FBXO4: variants seen among roughly 807,000 people sequenced by gnomAD.
FBXO4 encodes the protein F-box only protein 4.
Under a neutral mutation model 43.7 loss-of-function variants are expected in FBXO4, and 36 were observed. That is an observed-to-expected ratio of 0.82 (90% CI 0.63 to 1.09). The LOEUF (loss-of-function observed/expected upper bound fraction) is 1.09. Ranked by LOEUF, FBXO4 falls within the 50% of genes least tolerant of loss-of-function variation. The pLI is 0.00. For synonymous variants in FBXO4, 180 were observed against 165.6 expected (o/e 1.09, Z -0.67); for missense variants, 435 against 474.1 (o/e 0.92, Z 0.77).
chr5:41,928,155 C>T (rs1051784615), intron 2 of FBXO4, among the ~76,000 whole-genome samples: 1 of 152,008 alleles, frequency 6.6e-6, no homozygotes, highest in Non-Finnish European at 1.5e-5. Flanking sequence ...TATAGATAAT[C>T]TCAGCAAGTG....
chr5:41,971,711 G>C, the FBXO4 span, among the ~76,000 whole-genome samples: 1 of 151,786 alleles, frequency 6.6e-6, no homozygotes, highest in Non-Finnish European at 1.5e-5. Flanking sequence ...TATAGTTTTG[G>C]TTCTATCATT....
chr5:41,927,030 T>C lies in FBXO4; in HGVS notation c.207T>C (p.Tyr69=), dbSNP rs1751527071. The change falls in exon 2 of 7, where the codon TAT becomes TAC. Residue 69 remains tyrosine, a synonymous_variant. Transcript: ENST00000281623. The part of the protein sequence containing the change: ...LTRLPIDVQL[Y]ILSFLSPHDL... ...TGTTTCAGATTGATGTACAGCTATA[T>C]ATTTTGTCCTTTCTTTCACCTCATG... 6.2e-7 allele frequency: 1 copy of C among 1,608,616 alleles called. No individual in the cohort carries two copies. Among genetic ancestry groups the C allele is most frequent in the African/African-American group, 1.3e-5 (1 of 74,634 alleles).
chr5:41,962,189 C>T, the FBXO4 span, among the ~76,000 whole-genome samples: 1 of 152,190 alleles, frequency 6.6e-6, no homozygotes, highest in Admixed American at 6.5e-5. Context: ...TTTCTTTAGA[C>T]TTATTTTACC....
chr5:42,033,823 T>C, the FBXO4 span, among the ~76,000 whole-genome samples: 1 of 150,584 alleles, frequency 6.6e-6, no homozygotes, highest in East Asian at 2.0e-4. Context: ...TTGTAAATAC[T>C]GCTGCATGTG....
At chr5:41,961,585 C>G in the FBXO4 span, among the ~76,000 whole-genome samples, 1 of 152,142 alleles carries the variant, frequency 6.6e-6, no homozygotes, top group African/African-American at 2.4e-5. Flanking sequence ...GGAGCACAGG[C>G]TTATGCAGAG....
intron 2 of FBXO4, among the ~76,000 whole-genome samples, chr5:41,929,377 C>T (rs1038619482): frequency 6.6e-6 from 1 of 152,118 alleles, no homozygotes; most frequent in African/African-American, 2.4e-5. Context: ...GGTTGAGAAC[C>T]TTTATGTAGT....
chr5:41,990,046 C>T, the FBXO4 span, among the ~76,000 whole-genome samples: 18 of 152,112 alleles, frequency 1.2e-4, no homozygotes, highest in East Asian at 3.8e-4. Flanking sequence ...TTGAGTCCTT[C>T]CTTTAATTCG....
chr5:42,032,050 T>A, the FBXO4 span, among the ~76,000 whole-genome samples: 1 of 142,290 alleles, frequency 7.0e-6, no homozygotes, highest in African/African-American at 2.7e-5. Context: ...TCTCTCTGTC[T>A]TTTTTTCTGT....
intron 1 of FBXO4, among the ~76,000 whole-genome samples, chr5:41,925,736 C>T (rs950184601): frequency 6.6e-6 from 1 of 152,094 alleles, no homozygotes; most frequent in Non-Finnish European, 1.5e-5. Context: ...CTTCATGGGG[C>T]CCCTGGGGAC....
the FBXO4 span, among the ~76,000 whole-genome samples, chr5:41,981,803 G>T: frequency 3.3e-5 from 5 of 151,016 alleles, no homozygotes; most frequent in African/African-American, 1.2e-4. Flanking sequence ...CAACATGCAG[G>T]TTTGTTACTT....
the FBXO4 span, among the ~76,000 whole-genome samples, chr5:41,995,975 A>G: frequency 6.6e-6 from 1 of 152,184 alleles, no homozygotes; most frequent in Admixed American, 6.5e-5. Context: ...GTAGTGCTGC[A>G]GCTGTTCACT....
chr5:41,970,876 C>T, the FBXO4 span, among the ~76,000 whole-genome samples: 1 of 151,824 alleles, frequency 6.6e-6, no homozygotes, highest in Admixed American at 6.6e-5. Context: ...AATAGTATGG[C>T]AAAGCAACCA....
the FBXO4 span, among the ~76,000 whole-genome samples, chr5:41,989,527 C>T: frequency 6.6e-6 from 1 of 152,100 alleles, no homozygotes; most frequent in Non-Finnish European, 1.5e-5. Context: ...TTAAAGCTCC[C>T]TTTGTATACA....
At chr5:42,012,370 G>A in the FBXO4 span, among the ~76,000 whole-genome samples, 14 of 152,078 alleles carry the variant, frequency 9.2e-5, no homozygotes, top group African/African-American at 2.7e-4. Context: ...AAAGATCTAT[G>A]TTACTAAAGA....
the FBXO4 span, among the ~76,000 whole-genome samples, chr5:41,966,324 T>C: frequency 6.7e-6 from 1 of 150,088 alleles, no homozygotes; most frequent in African/African-American, 2.5e-5. Context: ...CTACTTATAA[T>C]TAAAAAAAAG....
the FBXO4 span, among the ~76,000 whole-genome samples, chr5:42,030,571 C>A: frequency 4.6e-5 from 7 of 151,876 alleles, no homozygotes; most frequent in South Asian, 1.5e-3. Context: ...TCTAAAACAC[C>A]AAAAGCAGTG....
At chr5:41,968,115 T>C in the FBXO4 span, 1 of 333,440 alleles carries the variant, frequency 3.0e-6, no homozygotes, top group South Asian at 2.6e-5. Context: ...ACCCCACTGC[T>C]TCATCCAAAG....
At chr5:42,037,744 G>C in the FBXO4 span, among the ~76,000 whole-genome samples, 1 of 152,052 alleles carries the variant, frequency 6.6e-6, no homozygotes, top group East Asian at 1.9e-4. Context: ...ACTCAGCAAA[G>C]AATGTAGTTT....
intron 6 of FBXO4, among the ~76,000 whole-genome samples, chr5:41,939,834 ATTTTTTTTTTTTTTTTTT>A (rs60238550): frequency 1.3e-5 from 1 of 79,306 alleles, no homozygotes; most frequent in African/African-American, 5.3e-5. Flanking sequence ...ACAATTGGGG[ATTTTTTTTTTTTTTTTTT>A]TTTTTTTTTT....
Sources: allele counts gnomAD v4.1 joint callset (sites outside exome capture counted in the v4.1 genomes callset), GRCh38; gene constraint gnomAD v4.1.1; transcripts MANE v1.5; gene names NCBI Gene and HGNC (gene_info 2026-07-23, HGNC 2026-07-21).